SMYD3: variants seen among roughly 807,000 people sequenced by gnomAD.
SMYD3 encodes histone-lysine N-methyltransferase SMYD3.
In SMYD3, 36 loss-of-function variants were observed where a neutral mutation model predicts 57.7. That is an observed-to-expected ratio of 0.62 (90% CI 0.48 to 0.82). SMYD3 has a LOEUF of 0.82. Ranked by LOEUF, SMYD3 falls within the 40% of genes least tolerant of loss-of-function variation. The pLI is 0.00. For synonymous variants in SMYD3, 211 were observed against 195.0 expected (o/e 1.08, Z -0.68); for missense variants, 515 against 538.8 (o/e 0.96, Z 0.44).
chr1:245,817,451 A>G (rs1449212661), intron 10 of SMYD3, among the ~76,000 whole-genome samples: 1 of 150,708 alleles, frequency 6.6e-6, no homozygotes, highest in African/African-American at 2.4e-5. Flanking sequence ...TGGGGAAAAA[A>G]CAGAACAGAA....
chr1:246,002,999 T>G (rs957086237), intron 5 of SMYD3, among the ~76,000 whole-genome samples: 1 of 152,094 alleles, frequency 6.6e-6, no homozygotes, highest in East Asian at 1.9e-4. Context: ...CACCGCACGA[T>G]GTAAGTGCGT....
chr1:246,023,297 T>C (rs528465003), intron 5 of SMYD3, among the ~76,000 whole-genome samples: 1 of 152,352 alleles, frequency 6.6e-6, no homozygotes, highest in Non-Finnish European at 1.5e-5. Context: ...TGTCTGTCTG[T>C]GCATAACTGT....
At chr1:246,307,671 G>T (rs1426489628) in intron 5 of SMYD3, among the ~76,000 whole-genome samples, 1 of 151,768 alleles carries the variant, frequency 6.6e-6, no homozygotes, top group African/African-American at 2.4e-5. Flanking sequence ...CGCCCGCCTC[G>T]GCCTCCCAAA....
At chr1:245,816,853 G>A (rs1020129103) in intron 10 of SMYD3, among the ~76,000 whole-genome samples, 10 of 152,114 alleles carry the variant, frequency 6.6e-5, no homozygotes, top group African/African-American at 1.7e-4. Context: ...CCTAAAAAAC[G>A]GCGCACCACG....
intron 5 of SMYD3, among the ~76,000 whole-genome samples, chr1:245,986,369 C>T (rs1359938962): frequency 6.6e-6 from 1 of 152,092 alleles, no homozygotes; most frequent in Non-Finnish European, 1.5e-5. Flanking sequence ...ATTTTCTGTA[C>T]CTCAGTTTGT....
At chr1:246,410,339 C>T (rs553156480) in intron 1 of SMYD3, among the ~76,000 whole-genome samples, 4 of 152,218 alleles carry the variant, frequency 2.6e-5, no homozygotes, top group East Asian at 1.9e-4. Flanking sequence ...TTTTGAGATA[C>T]GTCCCATCAA....
At chr1:245,827,928 T>TA (rs2049598350) in intron 10 of SMYD3, among the ~76,000 whole-genome samples, 1 of 152,308 alleles carries the variant, frequency 6.6e-6, no homozygotes, top group East Asian at 1.9e-4. Flanking sequence ...CAGGATTCTT[T>TA]ATCATTTTGC....
At chr1:245,792,137 T>A (rs568622328) in intron 10 of SMYD3, among the ~76,000 whole-genome samples, 1 of 152,274 alleles carries the variant, frequency 6.6e-6, no homozygotes, top group South Asian at 2.1e-4. Context: ...ACTCATTCAT[T>A]TATTCATTCT....
intron 5 of SMYD3, among the ~76,000 whole-genome samples, chr1:246,220,781 C>T (rs917180092): frequency 6.6e-6 from 1 of 152,164 alleles, no homozygotes; most frequent in African/African-American, 2.4e-5. Context: ...CCCATGGCCA[C>T]CTATGGACCA....
At chr1:246,380,231 G>A (rs1031520675) in intron 1 of SMYD3, among the ~76,000 whole-genome samples, 19 of 151,982 alleles carry the variant, frequency 1.3e-4, no homozygotes, top group African/African-American at 3.9e-4. Context: ...AGGCTAATAC[G>A]AATAGTTTTC....
chr1:246,277,503 T>G (rs980032590), intron 5 of SMYD3, among the ~76,000 whole-genome samples: 4 of 152,180 alleles, frequency 2.6e-5, no homozygotes, highest in Admixed American at 2.6e-4. Flanking sequence ...AATGCTCTTA[T>G]ATGACCCAGC....
chr1:246,378,745 TATATA>T (rs201719832), intron 1 of SMYD3, among the ~76,000 whole-genome samples: 17,258 of 112,102 alleles, frequency 0.15, 1,719 homozygotes, highest in East Asian at 0.3. Context: ...TATATAATTA[TATATA>T]ATATATTTAA....
At chr1:246,246,402 G>T (rs2063705528) in intron 5 of SMYD3, among the ~76,000 whole-genome samples, 1 of 152,102 alleles carries the variant, frequency 6.6e-6, no homozygotes. Flanking sequence ...TGGAAAGTAA[G>T]TCTATTTGAG....
intron 5 of SMYD3, among the ~76,000 whole-genome samples, chr1:245,933,883 C>T (rs967804717): frequency 3.2e-4 from 49 of 152,156 alleles, no homozygotes; most frequent in African/African-American, 1.2e-3. Flanking sequence ...CATAAGCAAA[C>T]TCACAACCAA....
chr1:246,102,633 C>T (rs1230443310), intron 5 of SMYD3, among the ~76,000 whole-genome samples: 1 of 151,944 alleles, frequency 6.6e-6, no homozygotes, highest in Non-Finnish European at 1.5e-5. Context: ...CTAGGCCAGG[C>T]ATGGTGGCTC....
intron 10 of SMYD3, among the ~76,000 whole-genome samples, chr1:245,857,803 TCCA>T (rs2051327886): frequency 6.6e-6 from 1 of 152,090 alleles, no homozygotes; most frequent in Non-Finnish European, 1.5e-5. Context: ...GGGTGCAGCA[TCCA>T]CCAGCGCCTA....
At chr1:246,427,757 G>C (rs1228935335) in intron 1 of SMYD3, among the ~76,000 whole-genome samples, 2 of 152,122 alleles carry the variant, frequency 1.3e-5, no homozygotes, top group African/African-American at 4.8e-5. Context: ...AGGAAGCTGA[G>C]GTGGGAGGAT....
chr1:246,144,350 G>T (rs1189763578), intron 5 of SMYD3, among the ~76,000 whole-genome samples: 1 of 152,172 alleles, frequency 6.6e-6, no homozygotes, highest in Non-Finnish European at 1.5e-5. Flanking sequence ...TTTTATGTTT[G>T]CAATAATGTC....
chr1:246,498,249 TG>T (rs1401563485), intron 1 of SMYD3, among the ~76,000 whole-genome samples: 1 of 152,074 alleles, frequency 6.6e-6, no homozygotes, highest in East Asian at 2.0e-4. Context: ...TAGAGCAATA[TG>T]CACAATTGCA....
Sources: allele counts gnomAD v4.1 joint callset (sites outside exome capture counted in the v4.1 genomes callset), GRCh38; gene constraint gnomAD v4.1.1; transcripts MANE v1.5; gene names NCBI Gene and HGNC (gene_info 2026-07-23, HGNC 2026-07-21).